Variants in LOXHD1 observed in about 807,000 individuals in gnomAD.
LOXHD1 encodes lipoxygenase homology domain-containing protein 1.
Under a neutral mutation model 248.2 loss-of-function variants are expected in LOXHD1, and 205 were observed. That is an observed-to-expected ratio of 0.83 (90% CI 0.74 to 0.93). The LOEUF (loss-of-function observed/expected upper bound fraction) is 0.93. LOXHD1 is among the 40% of genes least tolerant of loss of function. The pLI is 0.00. For synonymous variants in LOXHD1, 1,113 were observed against 1,162.8 expected (o/e 0.96, Z 0.87); for missense variants, 2,930 against 2,971.6 (o/e 0.99, Z 0.33).
At position 46,501,325 on chromosome 18, in the gene LOXHD1, T is replaced by C. The variant is rs146320924; in HGVS notation, c.5878+4513A>G. Among the ~76,000 whole-genome samples the C allele has an allele frequency of 5.7e-3, 871 of 152,356 alleles. 12 individuals are homozygous for C. Among genetic ancestry groups the C allele is most frequent in the African/African-American group, 0.02 (822 of 41,584 alleles). ...CCTTCTTGTTTCATCTCTCATGCCATAAACAATTGTCCTTTTCATGGTCTA... is the reference window on the plus strand; with the variant it reads ...CCTTCTTGTTTCATCTCTCATGCCACAAACAATTGTCCTTTTCATGGTCTA... On this transcript the variant is annotated intron_variant, in intron 37 of 40. Coordinates refer to ENST00000642948, the MANE Select transcript of LOXHD1 (RefSeq NM_001384474.1).
At chr18:46,607,235 A>G (rs2038428803) in intron 6 of LOXHD1, among the ~76,000 whole-genome samples, 1 of 151,782 alleles carries the variant, frequency 6.6e-6, no homozygotes, top group Non-Finnish European at 1.5e-5. Flanking sequence ...GGATATATGC[A>G]TGCTATATTT....
At chr18:46,540,964 G>A (rs1276411556) in intron 25 of LOXHD1, among the ~76,000 whole-genome samples, 1 of 152,168 alleles carries the variant, frequency 6.6e-6, no homozygotes, top group Non-Finnish European at 1.5e-5. Context: ...ATGCTATTAA[G>A]TATGAGTTGT....
intron 35 of LOXHD1, among the ~76,000 whole-genome samples, chr18:46,509,077 C>T (rs114611739): frequency 4.1e-4 from 62 of 152,224 alleles, no homozygotes; most frequent in African/African-American, 1.4e-3. Context: ...TGCATATGTG[C>T]CCATGCATAT....
chr18:46,538,525 C>T (rs972804879), intron 25 of LOXHD1, among the ~76,000 whole-genome samples, 188 bp from the exon 26 acceptor site: 1 of 152,156 alleles, frequency 6.6e-6, no homozygotes, highest in Non-Finnish European at 1.5e-5. Flanking sequence ...GGGGTCCTGT[C>T]CTGCCCCGCC....
At position 46,610,818 on chromosome 18, in the gene LOXHD1, G is replaced by A. The variant is rs1555686141; in HGVS notation, c.717C>T (p.Gly239=). 1 of 1,551,688 alleles carries A rather than the reference G, an allele frequency of 6.4e-7. No homozygotes were observed. Among genetic ancestry groups the A allele is most frequent in the Admixed American group, 2.0e-5 (1 of 51,004 alleles). The change falls in exon 6 of 41, where the codon GGC becomes GGT. Residue 239 remains glycine, a synonymous_variant. Coordinates refer to ENST00000642948, the MANE Select transcript of LOXHD1 (RefSeq NM_001384474.1). Reference sequence around the variant, plus strand: ...CTGCAGAGCCCCCCTTATTGTTGTGGCCAACATTGATCTTCATCAGCTGCC... The same window carrying A: ...CTGCAGAGCCCCCCTTATTGTTGTGACCAACATTGATCTTCATCAGCTGCC... ...DLGQLMKINV[G]HNNKGGSAGW... is the part of the protein sequence containing the mutation.
chr18:46,607,958 AAAC>A (rs1378476681), intron 6 of LOXHD1, among the ~76,000 whole-genome samples: 1 of 152,044 alleles, frequency 6.6e-6, no homozygotes, highest in Non-Finnish European at 1.5e-5. Context: ...ATAAATGAAT[AAAC>A]AAATAGCCTG....
In LOXHD1 at chr18:46,639,758, C is replaced by T. The variant is rs2144376516; in HGVS notation, c.369G>A (p.Leu123=). The T allele has an allele frequency of 1.9e-6, 3 of 1,551,728 alleles. No homozygotes were observed. The highest frequency in any genetic ancestry group is 1.4e-5 in the African/African-American group (1 of 73,164). ...TCATGTCGGTCACAATCACATGGTC[C>T]AGGTACCAGCTGGCATTCAAGCCCG... ...DNTGLNASWY[L]DHVIVTDMKR... Residue 123 remains leucine (L), a synonymous_variant, in exon 4 of 41, where the codon CTG becomes CTA. Coordinates refer to ENST00000642948, the MANE Select transcript of LOXHD1 (RefSeq NM_001384474.1).
At chr18:46,602,839 C>T (rs2038359025) in intron 7 of LOXHD1, among the ~76,000 whole-genome samples, 1 of 152,014 alleles carries the variant, frequency 6.6e-6, no homozygotes. Flanking sequence ...AAATGGTGTT[C>T]CCACATCAGA....
intron 16 of LOXHD1, among the ~76,000 whole-genome samples, chr18:46,569,093 G>A (rs561025302): frequency 2.6e-3 from 254 of 97,660 alleles, no homozygotes; most frequent in Non-Finnish European, 5.2e-3. Flanking sequence ...CCTTCCCTGC[G>A]TTCAGTCTCC....
intron 2 of LOXHD1, among the ~76,000 whole-genome samples, chr18:46,643,451 GA>G (rs368334874): frequency 1.3e-5 from 2 of 152,298 alleles, no homozygotes; most frequent in East Asian, 3.9e-4. Flanking sequence ...TTTTCTCCAC[GA>G]AGCACCAGTA....
chr18:46,526,651 A>T (rs979811774), intron 29 of LOXHD1, among the ~76,000 whole-genome samples: 13 of 152,248 alleles, frequency 8.5e-5, no homozygotes, highest in South Asian at 6.2e-4. Flanking sequence ...GACTCAGGGC[A>T]GATCTGGGAC....
chr18:46,572,048 A>G (rs2037761790), intron 15 of LOXHD1, 38 bp downstream of exon 15: 2 of 1,534,082 alleles, frequency 1.3e-6, no homozygotes, highest in Non-Finnish European at 8.8e-7. Context: ...CTGTCTCACC[A>G]AGGGCACACC....
intron 31 of LOXHD1, among the ~76,000 whole-genome samples, chr18:46,524,023 T>C (rs2035706555): frequency 6.6e-6 from 1 of 152,182 alleles, no homozygotes; most frequent in South Asian, 2.1e-4. Flanking sequence ...CTGATATTGT[T>C]TTATGGAGGA....
At chr18:46,482,092 T>C (rs929407185) in intron 40 of LOXHD1, among the ~76,000 whole-genome samples, 1 of 152,176 alleles carries the variant, frequency 6.6e-6, no homozygotes, top group Admixed American at 6.5e-5. Flanking sequence ...AGCTGTCAAG[T>C]TCTCATCAGT....
intron 4 of LOXHD1, among the ~76,000 whole-genome samples, chr18:46,624,717 C>T (rs2038716348): frequency 6.6e-6 from 1 of 152,166 alleles, no homozygotes; most frequent in South Asian, 2.1e-4. Context: ...GAGATGCTCT[C>T]TGCTCCTGGG....
intron 40 of LOXHD1, 141 bp from the exon 41 acceptor site, chr18:46,478,093 A>G: frequency 1.8e-6 from 2 of 1,133,340 alleles, no homozygotes; most frequent in Non-Finnish European, 2.4e-6. Context: ...ATGTTGGTTT[A>G]AATGTGCGTA....
chr18:46,618,387 A>G, intron 4 of LOXHD1, 97 bp from the exon 5 acceptor site: 1 of 768,730 alleles, frequency 1.3e-6, no homozygotes, highest in East Asian at 2.7e-5. Flanking sequence ...ACTTACCCCC[A>G]GCAATGCATA....
chr18:46,628,821 T>A (rs2038781130), intron 4 of LOXHD1, among the ~76,000 whole-genome samples: 1 of 152,182 alleles, frequency 6.6e-6, no homozygotes, highest in Admixed American at 6.5e-5. Context: ...CCAGCTAATC[T>A]TATCAGGTAG....
intron 40 of LOXHD1, among the ~76,000 whole-genome samples, chr18:46,478,348 C>T (rs1038051611): frequency 1.3e-5 from 2 of 152,008 alleles, no homozygotes; most frequent in East Asian, 1.9e-4. Flanking sequence ...TGCGCCTGGC[C>T]GACCCTATTT....
Sources: allele counts gnomAD v4.1 joint callset (sites outside exome capture counted in the v4.1 genomes callset), GRCh38; gene constraint gnomAD v4.1.1; transcripts MANE v1.5; gene names NCBI Gene and HGNC (gene_info 2026-07-23, HGNC 2026-07-21).